NUMB: variants seen among roughly 807,000 people sequenced by gnomAD.
The protein encoded by NUMB is NUMB endocytic adaptor protein, also known as protein numb homolog.
A neutral mutation model predicts 59.7 loss-of-function variants in NUMB; 29 were observed. That is an observed-to-expected ratio of 0.49 (90% CI 0.36 to 0.66). The LOEUF is 0.66. Among genes scored for constraint, NUMB ranks in the 30% least tolerant of loss-of-function variants. NUMB has a pLI of 0.00. For synonymous variants in NUMB, 288 were observed against 288.2 expected (o/e 1.00, Z 0.01); for missense variants, 723 against 822.0 (o/e 0.88, Z 1.47).
rs10610977 is a variant in NUMB, at chr14:73,352,433, T to TAC, written c.126+3191_126+3192dup. On this transcript the variant is annotated intron_variant, in intron 4 of 12. Transcript: ENST00000555238. ...ACCTTGGGTTGTAATAATATATATA[T>TAC]ACACACACACACACACACACACACA... Among the ~76,000 whole-genome samples, 389 of 52,666 alleles carry TAC rather than the reference T, an allele frequency of 7.4e-3. 20 individuals carry two copies. Among genetic ancestry groups the TAC allele is most frequent in the Non-Finnish European group, 0.012 (311 of 26,858 alleles). 34.6% of individuals were successfully genotyped at this position (52,666 alleles called of 152,430 possible). A position where few individuals can be genotyped will look rare whatever the true frequency, so the allele number is the denominator to read the frequency against.
rs754816107 is a variant in NUMB at position 73,276,912 on chromosome 14, G to A, written c.1622C>T (p.Thr541Ile). The A allele has an allele frequency of 7.1e-5, 114 of 1,614,042 alleles. No homozygotes were observed. Among genetic ancestry groups the A allele is most frequent in the Non-Finnish European group, 9.0e-5 (106 of 1,180,036 alleles). ...ATGGGCAGCCTGAGGGTGGCCTGCAGTGCCAAATACGTTGGCCACCATCTG... is the reference window on the plus strand; with the variant it reads ...ATGGGCAGCCTGAGGGTGGCCTGCAATGCCAAATACGTTGGCCACCATCTG... ...PSQMVANVFGTAGHPQAAHPH... is the reference protein window; with the variant it reads ...PSQMVANVFGIAGHPQAAHPH... Residue 541 changes from threonine to isoleucine, a missense_variant, in exon 13 of 13, where the codon ACT becomes ATT. This residue lies in a region of NUMB where 406 missense variants were observed against 385.4 expected (regional missense o/e 1.05). Transcript: ENST00000555238.
At chr14:73,413,989 C>G (rs1248046731) in intron 1 of NUMB, among the ~76,000 whole-genome samples, 3 of 148,936 alleles carry the variant, frequency 2.0e-5, no homozygotes, top group African/African-American at 7.4e-5. Flanking sequence ...GAGTCTCACT[C>G]TGTCACCCAG....
intron 4 of NUMB, among the ~76,000 whole-genome samples, chr14:73,347,297 G>C (rs1338691808): frequency 1.3e-5 from 2 of 151,948 alleles, no homozygotes; most frequent in African/African-American, 4.8e-5. Context: ...CAGCTTTACT[G>C]AAATATATTT....
rs973962439 is a variant in NUMB at position 73,276,971 on chromosome 14, G to C, written c.1563C>G (p.Ala521=). 3.1e-6 allele frequency: 5 copies of C among 1,614,166 alleles called. No homozygotes were observed. The highest frequency in any genetic ancestry group is 4.2e-6 in the Non-Finnish European group (5 of 1,180,038). ...YPVANGMPYP[A]PNVPVVGITP... ...TGATGCCCACCACAGGCACATTAGG[G>C]GCTGGATAGGGCATTCCATTGGCCA... The change falls in exon 13 of 13, where the codon GCC becomes GCG. Residue 521 remains alanine, a synonymous_variant. Coordinates refer to ENST00000555238, the MANE Select transcript of NUMB (RefSeq NM_001005743.2).
intron 2 of NUMB, among the ~76,000 whole-genome samples, chr14:73,398,432 G>A (rs1896253710): frequency 6.6e-6 from 1 of 151,678 alleles, no homozygotes; most frequent in Admixed American, 6.6e-5. Flanking sequence ...GTGTGTGTGT[G>A]TGTGTGTGTG....
At chr14:73,406,096 T>TTG (rs1896655343) in intron 2 of NUMB, among the ~76,000 whole-genome samples, 1 of 136,258 alleles carries the variant, frequency 7.3e-6, no homozygotes, top group African/African-American at 2.6e-5. Context: ...ATTTTTGTTT[T>TTG]TTTTTTTTTT....
At chr14:73,356,410 A>T (rs998356249) in intron 3 of NUMB, among the ~76,000 whole-genome samples, 1 of 152,348 alleles carries the variant, frequency 6.6e-6, no homozygotes, top group African/African-American at 2.4e-5. Flanking sequence ...TGGGAGGCTG[A>T]GATGGGCAGA....
intron 4 of NUMB, among the ~76,000 whole-genome samples, chr14:73,341,836 T>C (rs1892646530): frequency 6.6e-6 from 1 of 152,200 alleles, no homozygotes; most frequent in Admixed American, 6.5e-5. Context: ...ATTATAAAAC[T>C]ACAATATAGT....
intron 1 of NUMB, among the ~76,000 whole-genome samples, chr14:73,450,795 A>C (rs189543263): frequency 4.6e-5 from 7 of 151,946 alleles, no homozygotes; most frequent in African/African-American, 1.2e-4. Flanking sequence ...TCTTAAAAAA[A>C]AAAACAAAAC....
chr14:73,296,083 T>G (rs1889751853), intron 7 of NUMB, among the ~76,000 whole-genome samples: 1 of 147,780 alleles, frequency 6.8e-6, no homozygotes, highest in South Asian at 2.1e-4. Flanking sequence ...TAAAACATGG[T>G]AAAAGGATAG....
intron 2 of NUMB, among the ~76,000 whole-genome samples, chr14:73,387,751 AC>A (rs1417866318): frequency 0.02 from 3,016 of 149,466 alleles, 125 homozygotes; most frequent in African/African-American, 0.072. Flanking sequence ...AAAAACAAAA[AC>A]AAACAAACAA....
chr14:73,379,787 T>C lies in NUMB; in HGVS notation c.-100-12806A>G, dbSNP rs915004338. 3.9e-5 allele frequency among the ~76,000 whole-genome samples: 6 copies of C among 152,230 alleles called. 1 individual carries two copies. The South Asian group carries it at 1.0e-3, about 26-fold the overall frequency. ...TGTTAGAGGAATAACAAGGAGATGA[T>C]GTGGGTACAATATACTAAGTGAAGG... On this transcript the variant is annotated intron_variant, in intron 2 of 12. Coordinates refer to ENST00000555238, the MANE Select transcript of NUMB (RefSeq NM_001005743.2).
At chr14:73,314,153 TCTTTA>T (rs1390516726) in intron 6 of NUMB, among the ~76,000 whole-genome samples, 1 of 152,222 alleles carries the variant, frequency 6.6e-6, no homozygotes. Flanking sequence ...TCTAAGAAGC[TCTTTA>T]CTTACTAGCA....
chr14:73,276,505 CTG>C lies in NUMB; in HGVS notation c.*71_*72del. The C allele has an allele frequency of 8.4e-7, 1 of 1,183,538 alleles. No individual in the cohort carries two copies. Among genetic ancestry groups the C allele is most frequent in the Admixed American group, 2.1e-5 (1 of 47,038 alleles). The allele number at this position is 1,183,538 out of a possible 1,614,324, so 73.3% of individuals were successfully genotyped here. ...AAGAGTACTAATCAGGAGACAAAGT[CTG>C]TTTTGCTCCTTTGACCGCTACCCCC... On this transcript the variant is annotated 3_prime_UTR_variant, in exon 13 of 13. Coordinates refer to ENST00000555238, the MANE Select transcript of NUMB (RefSeq NM_001005743.2).
At chr14:73,313,821 T>C (rs2139896153) in intron 6 of NUMB, among the ~76,000 whole-genome samples, 1 of 147,950 alleles carries the variant, frequency 6.8e-6, no homozygotes, top group East Asian at 1.9e-4. Flanking sequence ...TTTCTTTTTT[T>C]TTTTGAGATG....
In NUMB at chr14:73,276,787, G is replaced by A. The variant is rs774310587; in HGVS notation, c.1747C>T (p.Leu583Phe). Residue 583 changes from leucine to phenylalanine, a missense_variant, in exon 13 of 13, where the codon CTC (leucine) becomes TTC (phenylalanine). Physicochemically the swap from Leu to Phe is conservative, Grantham distance 22. Coordinates refer to ENST00000555238, the MANE Select transcript of NUMB (RefSeq NM_001005743.2). ...SPFFKPPAQH[L>F]NGSAAFNGVD... ...CCATTGAAAGCTGCAGAACCGTTGAGGTGCTGAGCAGGAGGCTTAAAGAAG... is the reference window on the plus strand; with the variant it reads ...CCATTGAAAGCTGCAGAACCGTTGAAGTGCTGAGCAGGAGGCTTAAAGAAG... 11 of 1,614,074 alleles carry A rather than the reference G, an allele frequency of 6.8e-6. No individual in the cohort carries two copies. In the African/African-American group the frequency reaches 1.1e-4, roughly 16 times the overall value.
At chr14:73,305,170 G>C (rs1345143857) in intron 6 of NUMB, among the ~76,000 whole-genome samples, 1 of 152,094 alleles carries the variant, frequency 6.6e-6, no homozygotes, top group Non-Finnish European at 1.5e-5. Context: ...GATCTCTATT[G>C]CAACTACTCA....
At chr14:73,388,443 T>C (rs1406413655) in intron 2 of NUMB, among the ~76,000 whole-genome samples, 1 of 152,232 alleles carries the variant, frequency 6.6e-6, no homozygotes, top group Non-Finnish European at 1.5e-5. Flanking sequence ...TTAATGATTG[T>C]ATTATAGCAG....
At chr14:73,281,442 T>TAAAAAG (rs369822750) in intron 11 of NUMB, 27 of 152,322 alleles carry the variant, frequency 1.8e-4, no homozygotes, top group African/African-American at 6.0e-4. Context: ...GAAGGTTTAT[T>TAAAAAG]AAAAAGAAAA....
Sources: gnomAD v4.1 joint callset for allele counts (sites outside exome capture counted in the v4.1 genomes callset) on GRCh38, gnomAD v4.1.1 for gene constraint, gnomAD v4.1.1 regional missense constraint, MANE v1.5 for transcripts, NCBI Gene and HGNC (gene_info 2026-07-23, HGNC 2026-07-21) for gene names.